Variants in CERKL observed in about 807,000 individuals in gnomAD.
CERKL encodes the protein CERK like autophagy regulator, also known as ceramide kinase-like protein.
A neutral mutation model predicts 63.4 loss-of-function variants in CERKL; 61 were observed. The observed-to-expected ratio is 0.96, with a 90% confidence interval of 0.78 to 1.19. The LOEUF (loss-of-function observed/expected upper bound fraction) is 1.19, where lower values mean the gene tolerates loss of function less well. CERKL is among the 50% of genes most tolerant of loss of function. The probability of loss-of-function intolerance (pLI) is 0.00; values close to 1 mark genes in which losing one functional copy is unlikely to be tolerated. For missense variants in CERKL, 675 were observed against 655.5 expected, an observed-to-expected ratio of 1.03 and a Z score of -0.33; for synonymous variants, 250 against 230.5, an observed-to-expected ratio of 1.08 and a Z score of -0.77.
At chr2:181,568,279 G>T (rs987458642) in intron 3 of CERKL, among the ~76,000 whole-genome samples, 2 of 152,254 alleles carry the variant, frequency 1.3e-5, no homozygotes, top group Admixed American at 1.3e-4. Flanking sequence ...TTCCTGTCCT[G>T]TAGGTACTTT....
chr2:181,608,930 A>G (rs962502498), intron 1 of CERKL, among the ~76,000 whole-genome samples: 6 of 152,184 alleles, frequency 3.9e-5, no homozygotes, highest in African/African-American at 1.4e-4. Flanking sequence ...TATAATGGAG[A>G]TAAAAAAAAT....
intron 1 of CERKL, among the ~76,000 whole-genome samples, chr2:181,635,221 C>T (rs1687121865): frequency 6.6e-6 from 1 of 151,948 alleles, no homozygotes; most frequent in Non-Finnish European, 1.5e-5. Flanking sequence ...AGGTTTGATC[C>T]CAATGAAAAA....
chr2:181,584,341 G>A (rs1386339200), intron 2 of CERKL, among the ~76,000 whole-genome samples: 1 of 146,260 alleles, frequency 6.8e-6, no homozygotes, highest in Admixed American at 6.8e-5. Flanking sequence ...GAGAGATATT[G>A]TCTCTACAGA....
At chr2:181,549,755 C>T (rs1456670266) in intron 5 of CERKL, 47 bp from the exon 6 acceptor site, 1 of 1,235,054 alleles carries the variant, frequency 8.1e-7, no homozygotes, top group Admixed American at 1.7e-5. Flanking sequence ...AGAATGTGTT[C>T]AAACTAACAT....
In CERKL at chr2:181,619,847, A is replaced by T. The variant is rs561344399; in HGVS notation, c.239-15768T>A. ...AACTTACCAGAGGGTGAAGGTTCAA[A>T]GGTCTTTGAAAGCCTTTAATAACTT... is the stretch of plus-strand genomic sequence containing the variant. On this transcript the variant is annotated intron_variant, in intron 1 of 12. Coordinates refer to ENST00000410087, the MANE Select transcript of CERKL (RefSeq NM_201548.5). 5.9e-5 allele frequency among the ~76,000 whole-genome samples: 9 copies of T among 152,206 alleles called. 1 individual carries two copies. The South Asian group carries it at 1.9e-3, about 31-fold the overall frequency.
intron 1 of CERKL, among the ~76,000 whole-genome samples, chr2:181,645,076 G>C (rs1027025588): frequency 3.3e-5 from 5 of 152,110 alleles, no homozygotes; most frequent in African/African-American, 1.2e-4. Flanking sequence ...GGCAAAGAGG[G>C]AACCCAAACA....
At chr2:181,545,043 A>G (rs964643582) in intron 10 of CERKL, among the ~76,000 whole-genome samples, 1 of 152,190 alleles carries the variant, frequency 6.6e-6, no homozygotes, top group African/African-American at 2.4e-5. Flanking sequence ...ACATTAGAGC[A>G]TTTTACAAAG....
At chr2:181,570,965 C>CTT (rs902203176) in intron 3 of CERKL, among the ~76,000 whole-genome samples, 6 of 152,094 alleles carry the variant, frequency 3.9e-5, no homozygotes, top group African/African-American at 1.4e-4. Flanking sequence ...CCTCTTTCTG[C>CTT]TTTACTCTTC....
chr2:181,601,965 G>C (rs1470534184), intron 2 of CERKL, among the ~76,000 whole-genome samples: 2 of 152,168 alleles, frequency 1.3e-5, no homozygotes, highest in Non-Finnish European at 1.5e-5. Context: ...GAGGATGGTA[G>C]ACTAAAGGAT....
At chr2:181,625,880 TTAATC>T (rs1409109489) in intron 1 of CERKL, among the ~76,000 whole-genome samples, 4 of 152,252 alleles carry the variant, frequency 2.6e-5, no homozygotes, top group Admixed American at 1.3e-4. Flanking sequence ...GATATTTAAT[TTAATC>T]TAAAGTTTCT....
chr2:181,540,631 T>A (rs1469432141), intron 11 of CERKL, among the ~76,000 whole-genome samples: 1 of 152,162 alleles, frequency 6.6e-6, no homozygotes, highest in Non-Finnish European at 1.5e-5. Context: ...GTAAGTCTAT[T>A]ATCTTAAATC....
rs139334872 is a variant in CERKL at position 181,581,295 on chromosome 2, G to T, written c.482-7411C>A. Among the ~76,000 whole-genome samples, 40 of 152,252 alleles carry T rather than the reference G, an allele frequency of 2.6e-4. No homozygotes were observed. The South Asian group carries it at 7.3e-3, about 28-fold the overall frequency. On this transcript the variant is annotated intron_variant, in intron 2 of 12. Coordinates refer to ENST00000410087, the MANE Select transcript of CERKL (RefSeq NM_201548.5). ...GTCAGCAAAGTTCAAAGTTGCAGAG[G>T]CAAGATGAAAAAATATTTTGAACAT...
chr2:181,644,153 T>C (rs1239198191), intron 1 of CERKL, among the ~76,000 whole-genome samples: 1 of 152,192 alleles, frequency 6.6e-6, no homozygotes, highest in Non-Finnish European at 1.5e-5. Flanking sequence ...CTTTCTGAGG[T>C]GTATTCTTAA....
intron 4 of CERKL, among the ~76,000 whole-genome samples, chr2:181,562,807 T>C (rs1003285065): frequency 3.3e-5 from 5 of 152,164 alleles, no homozygotes; most frequent in African/African-American, 1.2e-4. Context: ...ATTGTTGTAG[T>C]TTTGATTCAC....
At chr2:181,564,551 C>A (rs1037481720) in intron 4 of CERKL, among the ~76,000 whole-genome samples, 1 of 152,160 alleles carries the variant, frequency 6.6e-6, no homozygotes, top group Non-Finnish European at 1.5e-5. Flanking sequence ...TATTGTACTA[C>A]ACTTCAGCAA....
At chr2:181,572,755 G>T (rs1030093852) in intron 3 of CERKL, among the ~76,000 whole-genome samples, 1 of 149,444 alleles carries the variant, frequency 6.7e-6, no homozygotes, top group African/African-American at 2.5e-5. Context: ...ACATTTCATG[G>T]GGGCTGACCT....
intron 1 of CERKL, among the ~76,000 whole-genome samples, chr2:181,649,330 G>T (rs1008025045): frequency 6.6e-6 from 1 of 151,944 alleles, no homozygotes; most frequent in Non-Finnish European, 1.5e-5. Flanking sequence ...TATGATAAAG[G>T]GATCAATTCA....
At chr2:181,633,098 C>T (rs1687034402) in intron 1 of CERKL, among the ~76,000 whole-genome samples, 1 of 152,184 alleles carries the variant, frequency 6.6e-6, no homozygotes, top group Non-Finnish European at 1.5e-5. Context: ...AGCTTCCAGT[C>T]ACCCTGCCAC....
intron 2 of CERKL, among the ~76,000 whole-genome samples, chr2:181,600,565 T>C (rs1314590709): frequency 6.6e-6 from 1 of 152,154 alleles, no homozygotes; most frequent in African/African-American, 2.4e-5. Context: ...GATGTTGCTA[T>C]ACTTGTATGA....
Sources: gnomAD v4.1 joint callset for allele counts (sites outside exome capture counted in the v4.1 genomes callset) on GRCh38, gnomAD v4.1.1 for gene constraint, MANE v1.5 for transcripts, NCBI Gene and HGNC (gene_info 2026-07-23, HGNC 2026-07-21) for gene names.